The following CCNY variants were observed in gnomAD, a reference collection of about 807,000 sequenced individuals.
The protein encoded by CCNY is cyclin-Y.
A neutral mutation model predicts 42.8 loss-of-function variants in CCNY; 19 were observed. The observed-to-expected ratio is 0.44, with a 90% CI of 0.31 to 0.65. The LOEUF (loss-of-function observed/expected upper bound fraction) is 0.65. CCNY is among the 30% of genes least tolerant of loss of function. The probability of loss-of-function intolerance (pLI) is 0.07; values close to 1 mark genes in which losing one functional copy is unlikely to be tolerated. For synonymous variants in CCNY, 165 were observed against 162.7 expected (o/e 1.01, Z -0.11); for missense variants, 370 against 437.3 (o/e 0.85, Z 1.37).
chr10:35,340,566 A>G (rs1370195412), intron 1 of CCNY, among the ~76,000 whole-genome samples: 2 of 146,738 alleles, frequency 1.4e-5, no homozygotes, highest in East Asian at 4.0e-4. Context: ...GTGCAGTGGC[A>G]TAATCTTGGT....
intron 3 of CCNY, among the ~76,000 whole-genome samples, chr10:35,261,899 T>C (rs183669366): frequency 4.3e-4 from 65 of 152,108 alleles, no homozygotes; most frequent in Admixed American, 4.3e-3. Context: ...TGCGTGCCTG[T>C]AATCCCAGCT....
At position 35,443,637 on chromosome 10, in the gene CCNY, T is replaced by C. The variant is rs187152106; in HGVS notation, c.155-39767T>C. Among the ~76,000 whole-genome samples, 188 of 152,326 alleles carry C rather than the reference T, an allele frequency of 1.2e-3. 2 individuals are homozygous for C. The highest frequency in any genetic ancestry group is 4.6e-3 in the Admixed American group (71 of 15,306). On this transcript the variant is annotated intron_variant, in intron 1 of 9. Coordinates refer to ENST00000374704, the MANE Select transcript of CCNY (RefSeq NM_145012.6). ...AGTAGCCTCTCTTAGAAGCAAAATT[T>C]ACTCAAAGACCTGTGCTAATATTCT...
At chr10:35,562,279 CTGGTGGTGTTTTGT>C (rs1841481947) in intron 8 of CCNY, among the ~76,000 whole-genome samples, 1 of 152,174 alleles carries the variant, frequency 6.6e-6, no homozygotes, top group Non-Finnish European at 1.5e-5. Context: ...TACCTGGTTT[CTGGTGGTGTTTTGT>C]TTTTAAATTG....
At chr10:35,401,513 C>CT (rs34537954) in intron 1 of CCNY, among the ~76,000 whole-genome samples, 1,580 of 144,074 alleles carry the variant, frequency 0.011, 12 homozygotes, top group Non-Finnish European at 0.018. Flanking sequence ...ATTTTCTTTT[C>CT]TTTTTTTTTT....
intron 3 of CCNY, among the ~76,000 whole-genome samples, chr10:35,310,797 T>A (rs568009073): frequency 6.6e-6 from 1 of 152,298 alleles, no homozygotes; most frequent in South Asian, 2.1e-4. Flanking sequence ...ACTACTATGA[T>A]TAGCTAACAT....
intron 3 of CCNY, among the ~76,000 whole-genome samples, chr10:35,512,475 G>A (rs1201240151): frequency 6.6e-6 from 1 of 152,160 alleles, no homozygotes; most frequent in Non-Finnish European, 1.5e-5. Context: ...AGAAAGATGG[G>A]GGAAAGCAAG....
chr10:35,360,894 C>G (rs2135154812), intron 1 of CCNY, among the ~76,000 whole-genome samples: 1 of 151,952 alleles, frequency 6.6e-6, no homozygotes, highest in Admixed American at 6.6e-5. Flanking sequence ...GGAGTCTCAC[C>G]CTGTCGCCCA....
chr10:35,399,658 A>G (rs998914781), intron 1 of CCNY, among the ~76,000 whole-genome samples: 2 of 152,364 alleles, frequency 1.3e-5, no homozygotes, highest in South Asian at 2.1e-4. Flanking sequence ...CCTGGGCAAC[A>G]TAACGAGAGT....
chr10:35,524,169 T>G (rs1367609523), intron 4 of CCNY, among the ~76,000 whole-genome samples: 1 of 152,232 alleles, frequency 6.6e-6, no homozygotes, highest in Non-Finnish European at 1.5e-5. Context: ...TTTTCCCATT[T>G]ATAAAATAGA....
intron 1 of CCNY, among the ~76,000 whole-genome samples, chr10:35,378,516 G>A (rs927331980): frequency 2.4e-4 from 36 of 152,068 alleles, no homozygotes; most frequent in African/African-American, 2.9e-4. Flanking sequence ...CGGAGCCCTC[G>A]GTGGTTGCTT....
At chr10:35,471,087 G>A (rs547585233) in intron 1 of CCNY, among the ~76,000 whole-genome samples, 1 of 152,278 alleles carries the variant, frequency 6.6e-6, no homozygotes, top group African/African-American at 2.4e-5. Context: ...CTCACTTTCT[G>A]TGCATCTTGA....
intron 3 of CCNY, among the ~76,000 whole-genome samples, chr10:35,328,241 C>G (rs932465489): frequency 6.6e-6 from 1 of 152,156 alleles, no homozygotes; most frequent in South Asian, 2.1e-4. Context: ...CTCGCTTTGA[C>G]CTGCCTCTTT....
In CCNY at chr10:35,545,693, A is replaced by C. The variant is rs186428228; in HGVS notation, c.580-7326A>C. Among the ~76,000 whole-genome samples, 4 of 152,324 alleles carry C rather than the reference A, an allele frequency of 2.6e-5. No homozygotes were observed. In the East Asian group the frequency reaches 5.8e-4, roughly 22 times the overall value. On this transcript the variant is annotated intron_variant, in intron 7 of 9. Transcript: ENST00000374704. The stretch of plus-strand genomic sequence containing the variant: ...GGGACACACTGTAACCCATATCCAC[A>C]GGATACCAACAGAATCGTGTAAGAT...
chr10:35,309,351 C>T (rs947371823), intron 3 of CCNY, among the ~76,000 whole-genome samples: 1 of 152,170 alleles, frequency 6.6e-6, no homozygotes, highest in African/African-American at 2.4e-5. Flanking sequence ...AGGAATTCCC[C>T]ACCTGCCTCT....
chr10:35,460,292 A>G (rs1839129229), intron 1 of CCNY, among the ~76,000 whole-genome samples: 1 of 152,230 alleles, frequency 6.6e-6, no homozygotes, highest in South Asian at 2.1e-4. Flanking sequence ...GCATTGCATA[A>G]GAGAAACACA....
intron 1 of CCNY, among the ~76,000 whole-genome samples, chr10:35,408,411 G>A (rs1041385094): frequency 1.3e-5 from 2 of 151,402 alleles, no homozygotes; most frequent in Admixed American, 6.6e-5. Flanking sequence ...AAAGGGTGGT[G>A]GGATTATCAT....
rs113655360 is a variant in CCNY, at chr10:35,305,842, G to T, written c.-9+55216G>T. Among the ~76,000 whole-genome samples, 676 of 152,292 alleles carry T rather than the reference G, an allele frequency of 4.4e-3. 5 individuals carry two copies. Among genetic ancestry groups the T allele is most frequent in the African/African-American group, 0.015 (639 of 41,564 alleles). On this transcript the variant is annotated intron_variant, in intron 3 of 11. Transcript: ENST00000374706. The stretch of plus-strand genomic sequence containing the variant: ...TATGATCCTTAGAGGTAATGTCCCT[G>T]TGGATGGTGCTGCCAGTCTGACCCC...
chr10:35,473,588 T>C (rs1342771894), intron 1 of CCNY, among the ~76,000 whole-genome samples: 2 of 152,130 alleles, frequency 1.3e-5, no homozygotes, highest in African/African-American at 2.4e-5. Context: ...GGGAGGATCA[T>C]GTGAACAATT....
chr10:35,281,009 T>C (rs1215732829), intron 3 of CCNY, among the ~76,000 whole-genome samples: 1 of 152,112 alleles, frequency 6.6e-6, no homozygotes, highest in East Asian at 1.9e-4. Context: ...TCTACCTCAT[T>C]AGTCATCAGG....
Sources: allele counts gnomAD v4.1 joint callset (sites outside exome capture counted in the v4.1 genomes callset), GRCh38; gene constraint gnomAD v4.1.1; transcripts MANE v1.5; gene names NCBI Gene and HGNC (gene_info 2026-07-23, HGNC 2026-07-21).